TLK1: variants seen among roughly 807,000 people sequenced by gnomAD.
The protein encoded by TLK1 is serine/threonine-protein kinase tousled-like 1.
Under a neutral mutation model 105.3 loss-of-function variants are expected in TLK1, and 24 were observed. The ratio of observed to expected loss-of-function variants is 0.23; its 90% confidence interval spans 0.17 to 0.32. The LOEUF is 0.32. Ranked by LOEUF, TLK1 falls within the 10% of genes least tolerant of loss-of-function variation. The pLI is 1.00. For synonymous variants in TLK1, 321 were observed against 310.4 expected, an observed-to-expected ratio of 1.03 and a Z score of -0.36; for missense variants, 558 against 910.5, an observed-to-expected ratio of 0.61 and a Z score of 4.98.
intron 3 of TLK1, among the ~76,000 whole-genome samples, chr2:171,064,595 T>C (rs934248180): frequency 6.6e-6 from 1 of 152,172 alleles, no homozygotes; most frequent in Non-Finnish European, 1.5e-5. Flanking sequence ...CTACTATAAA[T>C]AGACCACTAA....
intron 1 of TLK1, among the ~76,000 whole-genome samples, chr2:171,158,335 C>G (rs1192986833): frequency 6.6e-6 from 1 of 152,166 alleles, no homozygotes; most frequent in African/African-American, 2.4e-5. Context: ...TAAAAACCCA[C>G]TGTAATCTAA....
At chr2:171,089,563 T>A (rs1689134187) in intron 2 of TLK1, among the ~76,000 whole-genome samples, 1 of 152,262 alleles carries the variant, frequency 6.6e-6, no homozygotes, top group African/African-American at 2.4e-5. Flanking sequence ...ATCACCTTTG[T>A]CATAGATCAA....
At chr2:171,055,024 G>A in intron 7 of TLK1, 59 bp downstream of exon 7, 1 of 958,242 alleles carries the variant, frequency 1.0e-6, no homozygotes, top group Non-Finnish European at 1.5e-6. Context: ...TTAGTTGTTA[G>A]TAAGTTAGTC....
At chr2:171,010,253 C>T (rs935829336) in intron 14 of TLK1, among the ~76,000 whole-genome samples, 2 of 152,028 alleles carry the variant, frequency 1.3e-5, no homozygotes, top group Non-Finnish European at 2.9e-5. Context: ...AAAGGAAGAG[C>T]ATACGATGGT....
chr2:171,037,170 G>T (rs561762041), intron 11 of TLK1, among the ~76,000 whole-genome samples: 1 of 152,200 alleles, frequency 6.6e-6, no homozygotes, highest in Non-Finnish European at 1.5e-5. Flanking sequence ...GGCCTGGCAC[G>T]TTGGCTCACG....
intron 1 of TLK1, among the ~76,000 whole-genome samples, chr2:171,139,632 C>A (rs1691484868): frequency 6.6e-6 from 1 of 151,922 alleles, no homozygotes; most frequent in African/African-American, 2.4e-5. Context: ...ACAACAAAAA[C>A]CGGTTATCTT....
chr2:171,059,252 A>G (rs1309512049), intron 4 of TLK1, among the ~76,000 whole-genome samples: 2 of 152,186 alleles, frequency 1.3e-5, no homozygotes, highest in African/African-American at 4.8e-5. Flanking sequence ...GAGGTACTAT[A>G]TTTTAATGAA....
At chr2:171,228,965 A>C (rs1693946043) in intron 1 of TLK1, among the ~76,000 whole-genome samples, 1 of 152,182 alleles carries the variant, frequency 6.6e-6, no homozygotes, top group Admixed American at 6.5e-5. Context: ...TGGGCATCTG[A>C]CCTGGTCAAG....
chr2:171,030,031 C>G (rs1258491607), intron 11 of TLK1, among the ~76,000 whole-genome samples: 1 of 152,206 alleles, frequency 6.6e-6, no homozygotes, highest in African/African-American at 2.4e-5. Context: ...CAAGTGTGAG[C>G]CACCACAACC....
intron 1 of TLK1, among the ~76,000 whole-genome samples, chr2:171,177,870 C>T (rs533866926): frequency 3.3e-5 from 5 of 152,138 alleles, no homozygotes; most frequent in Admixed American, 6.5e-5. Flanking sequence ...CTTGGCTCAC[C>T]GCAACCTCTG....
intron 11 of TLK1, among the ~76,000 whole-genome samples, chr2:171,032,662 T>C (rs1686100529): frequency 6.6e-6 from 1 of 152,276 alleles, no homozygotes; most frequent in African/African-American, 2.4e-5. Context: ...GGTACTGCCA[T>C]AAGAATACAC....
chr2:171,017,615 CTT>C (rs1337450502), intron 12 of TLK1, among the ~76,000 whole-genome samples: 1 of 152,042 alleles, frequency 6.6e-6, no homozygotes, highest in Non-Finnish European at 1.5e-5. Context: ...AAAATAAATA[CTT>C]GTTAAAGAAA....
At chr2:171,002,491 G>T (rs1043248469) in intron 18 of TLK1, among the ~76,000 whole-genome samples, 9 of 152,044 alleles carry the variant, frequency 5.9e-5, no homozygotes, top group Admixed American at 1.3e-4. Context: ...AGCCAGGATG[G>T]TCTCAATCTC....
intron 1 of TLK1, among the ~76,000 whole-genome samples, chr2:171,208,394 G>C (rs1431186873): frequency 6.6e-6 from 1 of 152,016 alleles, no homozygotes; most frequent in Non-Finnish European, 1.5e-5. Flanking sequence ...TAGAAACAAT[G>C]TTTAAATGCT....
intron 1 of TLK1, among the ~76,000 whole-genome samples, chr2:171,222,615 T>C (rs942906983): frequency 2.0e-5 from 3 of 152,014 alleles, no homozygotes; most frequent in African/African-American, 7.2e-5. Flanking sequence ...TAAATCTTTA[T>C]GGCTACATAA....
intron 3 of TLK1, among the ~76,000 whole-genome samples, chr2:171,076,215 C>T (rs1688496472): frequency 6.6e-6 from 1 of 150,838 alleles, no homozygotes; most frequent in Admixed American, 6.6e-5. Flanking sequence ...AAAACTCCAT[C>T]TCGGAGGGCG....
chr2:171,196,275 C>G (rs906588264), intron 1 of TLK1, among the ~76,000 whole-genome samples: 2 of 151,930 alleles, frequency 1.3e-5, no homozygotes, highest in African/African-American at 4.8e-5. Flanking sequence ...CACCACCATG[C>G]CCAGCACAGT....
At position 171,072,929 on chromosome 2, in the gene TLK1, G is replaced by GAA. The variant is rs11387073; in HGVS notation, c.330+9850_330+9851dup. Among the ~76,000 whole-genome samples, 509 of 123,336 alleles carry GAA rather than the reference G, an allele frequency of 4.1e-3. 13 individuals carry two copies. Among genetic ancestry groups the GAA allele is most frequent in the Admixed American group, 0.022 (259 of 11,898 alleles). The allele number at this position is 123,336 out of a possible 152,430, so 80.9% of individuals were successfully genotyped here. On this transcript the variant is annotated intron_variant, in intron 3 of 20. Coordinates refer to ENST00000431350, the MANE Select transcript of TLK1 (RefSeq NM_012290.5). ...GGGCAACAGAGCAAGACTCTGTCTC[G>GAA]AAAAAAAAAAAAAAAAAGATTAATG...
At chr2:171,029,330 G>C (rs1287873916) in intron 11 of TLK1, among the ~76,000 whole-genome samples, 2 of 152,154 alleles carry the variant, frequency 1.3e-5, no homozygotes, top group Non-Finnish European at 2.9e-5. Flanking sequence ...TAAAACTTTA[G>C]TCAAAGTACT....
Sources: allele counts gnomAD v4.1 joint callset (sites outside exome capture counted in the v4.1 genomes callset), GRCh38; gene constraint gnomAD v4.1.1; transcripts MANE v1.5; gene names NCBI Gene and HGNC (gene_info 2026-07-23, HGNC 2026-07-21).